TFDP2: variants seen among roughly 807,000 people sequenced by gnomAD.
TFDP2 encodes transcription factor Dp-2 (E2F dimerization partner 2).
In TFDP2, 17 loss-of-function variants were observed where a neutral mutation model predicts 59.3. The ratio of observed to expected loss-of-function variants is 0.29; its 90% CI spans 0.20 to 0.43. The LOEUF (loss-of-function observed/expected upper bound fraction) is 0.43. TFDP2 is among the 20% of genes least tolerant of loss of function. The probability of loss-of-function intolerance (pLI) is 1.00; values close to 1 mark genes in which losing one functional copy is unlikely to be tolerated. For synonymous variants in TFDP2, 180 were observed against 194.7 expected (o/e 0.92, Z 0.63); for missense variants, 391 against 528.8 (o/e 0.74, Z 2.56).
At chr3:142,090,411 C>A (rs534931083) in intron 3 of TFDP2, among the ~76,000 whole-genome samples, 2 of 152,310 alleles carry the variant, frequency 1.3e-5, no homozygotes, top group Admixed American at 1.3e-4. Flanking sequence ...CTAAACTTTA[C>A]TGGTGTTAAC....
Position 141,946,636 on chromosome 3 carries a change from G to A in TFDP2, c.*5877C>T, listed in dbSNP as rs900426657. On this transcript the variant is annotated 3_prime_UTR_variant, in exon 13 of 13. Coordinates refer to ENST00000489671, the MANE Select transcript of TFDP2 (RefSeq NM_001178139.2). ...ACATGTGGGAAAATCGGATCCCAGA[G>A]ATTACCTAAGCATCACTTCTCAGAG... The A allele has an allele frequency of 2.0e-5, 3 of 152,168 alleles. No homozygotes were observed. Among genetic ancestry groups the A allele is most frequent in the Admixed American group, 1.3e-4 (2 of 15,268 alleles). 9.4% of individuals were successfully genotyped at this position (152,168 alleles called of 1,614,324 possible).
rs1364735713 is a variant in TFDP2 at position 142,121,630 on chromosome 3, G to A, written c.-92-19789C>T. 6.6e-6 allele frequency among the ~76,000 whole-genome samples: 1 copy of A among 152,072 alleles called. No individual in the cohort carries two copies. Among genetic ancestry groups the A allele is most frequent in the Non-Finnish European group, 1.5e-5 (1 of 68,014 alleles). ...TTTGTAAGCAGGTGAGCAAAGAAGA[G>A]GTCCTCCCTTGTGCTTCCATAGGCT... On this transcript the variant is annotated intron_variant, in intron 1 of 12. Transcript: ENST00000489671. The surrounding 1 kb of genome is among the most constrained non-coding windows in gnomAD (Gnocchi z 4.3).
chr3:141,960,851 T>G (rs1244042134), intron 10 of TFDP2, among the ~76,000 whole-genome samples: 1 of 152,098 alleles, frequency 6.6e-6, no homozygotes, highest in African/African-American at 2.4e-5. Flanking sequence ...GAAAGCCTCT[T>G]GGCTAATTAT....
At chr3:142,144,845 G>A (rs368254865) in intron 1 of TFDP2, among the ~76,000 whole-genome samples, 7 of 152,084 alleles carry the variant, frequency 4.6e-5, no homozygotes, top group East Asian at 1.9e-4. Flanking sequence ...TCCCAGAAAC[G>A]ACTTTTAAAA....
intron 3 of TFDP2, among the ~76,000 whole-genome samples, chr3:142,038,760 C>T (rs1042830868): frequency 6.6e-6 from 1 of 152,026 alleles, no homozygotes; most frequent in African/African-American, 2.4e-5. Context: ...GGGGATCACA[C>T]CATACATGTT....
rs947928082 is a variant in TFDP2 at position 142,131,332 on chromosome 3, C to CA, written c.-93+17850dup. ...TATAAAGCAAAAACTGACTATTTTACAAGGAGAAACTAAGAAATCCACAAT... is the reference window on the plus strand; with the variant it reads ...TATAAAGCAAAAACTGACTATTTTACAAAGGAGAAACTAAGAAATCCACAAT... On this transcript the variant is annotated intron_variant, in intron 1 of 12. Transcript: ENST00000489671. Among the ~76,000 whole-genome samples, 7 of 149,984 alleles carry CA rather than the reference C, an allele frequency of 4.7e-5. 1 individual carries two copies. The highest frequency in any genetic ancestry group is 1.8e-4 in the African/African-American group (7 of 39,586).
chr3:142,131,987 G>A (rs2062525777), intron 1 of TFDP2, among the ~76,000 whole-genome samples: 1 of 129,852 alleles, frequency 7.7e-6, no homozygotes, highest in Non-Finnish European at 1.5e-5. Context: ...CTGGGCAATG[G>A]AGCAAGACTC....
At chr3:142,128,272 A>C (rs561367245) in intron 1 of TFDP2, among the ~76,000 whole-genome samples, 4 of 152,344 alleles carry the variant, frequency 2.6e-5, no homozygotes, top group African/African-American at 9.6e-5. Context: ...TTTTAAGGAC[A>C]TAGAAACTAG....
At chr3:141,973,658 A>T (rs563658000) in intron 8 of TFDP2, among the ~76,000 whole-genome samples, 38 of 151,908 alleles carry the variant, frequency 2.5e-4, no homozygotes, top group Non-Finnish European at 4.6e-4. Context: ...GTAACCAATA[A>T]AGGAAATAAA....
At chr3:141,981,824 C>G (rs1399833245) in intron 6 of TFDP2, among the ~76,000 whole-genome samples, 1 of 152,004 alleles carries the variant, frequency 6.6e-6, no homozygotes, top group Admixed American at 6.6e-5. Context: ...GAATATGAAT[C>G]CCCAAACTGG....
chr3:142,142,880 G>A (rs1043238064), intron 1 of TFDP2, among the ~76,000 whole-genome samples: 3 of 152,190 alleles, frequency 2.0e-5, no homozygotes, highest in Admixed American at 2.0e-4. Flanking sequence ...AGATGGTGCT[G>A]GGAAAACTGG....
intron 4 of TFDP2, among the ~76,000 whole-genome samples, chr3:142,000,586 A>AT (rs1943680818): frequency 6.6e-6 from 1 of 152,168 alleles, no homozygotes; most frequent in Non-Finnish European, 1.5e-5. Context: ...GGCAAAATAC[A>AT]TTCATTTCAT....
chr3:142,040,896 C>T (rs1177449383), intron 3 of TFDP2, among the ~76,000 whole-genome samples: 1 of 151,714 alleles, frequency 6.6e-6, no homozygotes, highest in Non-Finnish European at 1.5e-5. Context: ...AGAGCAAGAC[C>T]TTTTAAAAAA....
intron 3 of TFDP2, among the ~76,000 whole-genome samples, chr3:142,061,063 G>A (rs1560100237): frequency 6.6e-6 from 1 of 152,002 alleles, no homozygotes; most frequent in Admixed American, 6.6e-5. Context: ...CCATATTACA[G>A]GACACTAACA....
At chr3:142,074,900 T>G (rs2060388784) in intron 3 of TFDP2, among the ~76,000 whole-genome samples, 3 of 151,686 alleles carry the variant, frequency 2.0e-5, no homozygotes, top group African/African-American at 7.3e-5. Context: ...ATTTAAAAAG[T>G]CAAAAATAAA....
chr3:141,954,997 TAAG>T (rs1380816495), intron 11 of TFDP2, among the ~76,000 whole-genome samples: 2 of 152,170 alleles, frequency 1.3e-5, no homozygotes, highest in South Asian at 2.1e-4. Flanking sequence ...ACTTCAAGTC[TAAG>T]AAGAATAGCA....
chr3:142,006,270 T>A (rs956154843), intron 3 of TFDP2, among the ~76,000 whole-genome samples: 1 of 152,188 alleles, frequency 6.6e-6, no homozygotes, highest in African/African-American at 2.4e-5. Flanking sequence ...AGCTTATCAA[T>A]GTTTCTCTCA....
chr3:142,046,263 G>A (rs771852695), intron 3 of TFDP2, among the ~76,000 whole-genome samples: 12 of 152,148 alleles, frequency 7.9e-5, no homozygotes, highest in African/African-American at 1.2e-4. Flanking sequence ...ACCTAACCAA[G>A]AGTTGTTTAA....
chr3:142,044,265 C>T (rs1399962406), intron 3 of TFDP2: 4 of 219,926 alleles, frequency 1.8e-5, no homozygotes, highest in African/African-American at 7.9e-5. Flanking sequence ...GCCGGAGTCT[C>T]GCTCTGTCGC....
Sources: allele counts gnomAD v4.1 joint callset (sites outside exome capture counted in the v4.1 genomes callset), GRCh38; gene constraint gnomAD v4.1.1; non-coding constraint Gnocchi (gnomAD v3.1); transcripts MANE v1.5; gene names NCBI Gene and HGNC (gene_info 2026-07-23, HGNC 2026-07-21).